NSUN3: variants seen among roughly 807,000 people sequenced by gnomAD.
The protein encoded by NSUN3 is NOP2/Sun RNA methyltransferase 3.
A neutral mutation model predicts 36.8 loss-of-function variants in NSUN3; 24 were observed. That is an observed-to-expected ratio of 0.65 (90% confidence interval 0.47 to 0.92). NSUN3 has a LOEUF of 0.92. Ranked by LOEUF, NSUN3 falls within the 40% of genes least tolerant of loss-of-function variation. NSUN3 has a pLI of 0.00. For missense variants in NSUN3, 381 were observed against 392.8 expected (o/e 0.97, Z 0.25); for synonymous variants, 146 against 145.2 (o/e 1.01, Z -0.04).
At chr3:94,081,123 T>C (rs1257161167) in intron 2 of NSUN3, among the ~76,000 whole-genome samples, 2 of 152,188 alleles carry the variant, frequency 1.3e-5, no homozygotes, top group Admixed American at 1.3e-4. Flanking sequence ...GCATGGTTCC[T>C]TAGGCTCAGT....
intron 2 of NSUN3, 24 bp downstream of exon 2, chr3:94,064,570 T>C (rs532083140): frequency 7.8e-5 from 106 of 1,367,352 alleles, no homozygotes; most frequent in Admixed American, 3.7e-4. Flanking sequence ...ATCTCGATGC[T>C]TTATGATGGA....
At chr3:94,108,065 T>C (rs1490538956) in intron 5 of NSUN3, among the ~76,000 whole-genome samples, 1 of 149,764 alleles carries the variant, frequency 6.7e-6, no homozygotes, top group East Asian at 2.0e-4. Context: ...TCAACTATTC[T>C]CTACTCAGAA....
chr3:94,073,449 T>A (rs2107238225), intron 2 of NSUN3, among the ~76,000 whole-genome samples: 1 of 152,326 alleles, frequency 6.6e-6, no homozygotes, highest in East Asian at 1.9e-4. Flanking sequence ...TTTCTCCACA[T>A]CCTCTCCAGC....
At chr3:94,092,180 GAA>G (rs2077317947) in intron 3 of NSUN3, among the ~76,000 whole-genome samples, 1 of 152,122 alleles carries the variant, frequency 6.6e-6, no homozygotes, top group South Asian at 2.1e-4. Flanking sequence ...ACCAATGAGA[GAA>G]AGAGACAAAA....
At chr3:94,092,466 C>A (rs2077319346) in intron 3 of NSUN3, among the ~76,000 whole-genome samples, 1 of 152,130 alleles carries the variant, frequency 6.6e-6, no homozygotes, top group Non-Finnish European at 1.5e-5. Flanking sequence ...CTTTTAGACA[C>A]CTATTTAAGT....
At chr3:94,076,821 C>A (rs1029809040) in intron 2 of NSUN3, 1 of 1,584,042 alleles carries the variant, frequency 6.3e-7, no homozygotes, top group South Asian at 1.1e-5. Flanking sequence ...ATCTTGATTT[C>A]TATTTCAATT....
chr3:94,110,281 G>A (rs12233392), intron 5 of NSUN3, among the ~76,000 whole-genome samples: 7 of 54,560 alleles, frequency 1.3e-4, no homozygotes, highest in Middle Eastern at 0.011. Context: ...ATAACTTTCA[G>A]TGATAGGAAG....
At chr3:94,090,058 T>C (rs2077308042) in intron 3 of NSUN3, among the ~76,000 whole-genome samples, 1 of 152,200 alleles carries the variant, frequency 6.6e-6, no homozygotes, top group African/African-American at 2.4e-5. Context: ...GAAGGCAAGA[T>C]TATTGTTTTT....
chr3:94,122,374 G>A (rs1222339788), intron 5 of NSUN3, among the ~76,000 whole-genome samples: 2 of 151,922 alleles, frequency 1.3e-5, no homozygotes, highest in Non-Finnish European at 2.9e-5. Context: ...AATGATTTTG[G>A]TTCCTAATTC....
chr3:94,064,637 G>T, intron 2 of NSUN3, 91 bp downstream of exon 2: 1 of 765,584 alleles, frequency 1.3e-6, no homozygotes. Flanking sequence ...AGGTTAAAAG[G>T]CAAAGGAATC....
rs1240181183 is a variant in NSUN3, at chr3:94,130,839, C to T, written c.*4349C>T. ...GGAGCCTTGTTTGACCTTTTTTAACCTTTCCTGGTCAGGTGCCAGGCCAGT... is the reference window on the plus strand; with the variant it reads ...GGAGCCTTGTTTGACCTTTTTTAACTTTTCCTGGTCAGGTGCCAGGCCAGT... On this transcript the variant is annotated 3_prime_UTR_variant, in exon 6 of 6. Coordinates refer to ENST00000314622, the MANE Select transcript of NSUN3 (RefSeq NM_022072.5). Among the ~76,000 whole-genome samples the T allele has an allele frequency of 6.6e-6, 1 of 152,130 alleles. No individual in the cohort carries two copies. Among genetic ancestry groups the T allele is most frequent in the Non-Finnish European group, 1.5e-5 (1 of 68,018 alleles).
chr3:94,094,044 G>A, intron 3 of NSUN3, 96 bp from the exon 4 acceptor site: 2 of 849,582 alleles, frequency 2.4e-6, no homozygotes, highest in Non-Finnish European at 1.8e-6. Flanking sequence ...GCATAATTAT[G>A]ATGAGTTAAT....
rs2077492052 is a variant in NSUN3 at position 94,127,439 on chromosome 3, G to C, written c.*949G>C. ...ACATATTAATGCACAAGAGGGAGAT[G>C]CCTAATGAGAGTGGACTGTGTGATT... On this transcript the variant is annotated 3_prime_UTR_variant, in exon 6 of 6. Transcript: ENST00000314622. 3 of 152,138 alleles carry C rather than the reference G, an allele frequency of 2.0e-5. No individual in the cohort carries two copies. Among genetic ancestry groups the C allele is most frequent in the African/African-American group, 7.2e-5 (3 of 41,420 alleles). The allele number at this position is 152,138 out of a possible 1,614,324, so 9.4% of individuals were successfully genotyped here. A position where few individuals can be genotyped will look rare whatever the true frequency, so the allele number is the denominator to read the frequency against.
intron 5 of NSUN3, among the ~76,000 whole-genome samples, chr3:94,108,129 TAAGAATAGTAC>T (rs2077398575): frequency 2.0e-5 from 3 of 151,982 alleles, no homozygotes; most frequent in African/African-American, 7.2e-5. Flanking sequence ...GAAAAAAATG[TAAGAATAGTAC>T]AAGGAGCTCC....
rs577056626 is a variant in NSUN3 at position 94,092,659 on chromosome 3, G to A, written c.467-1481G>A. On this transcript the variant is annotated intron_variant, in intron 3 of 5. Transcript: ENST00000314622. ...TGGCTCATGTCTGTAATCCCAGCAC[G>A]ATGGGAGACCGAGGTAGGTAGGTCA... Among the ~76,000 whole-genome samples, 14 of 152,062 alleles carry A rather than the reference G, an allele frequency of 9.2e-5. No individual in the cohort carries two copies. The East Asian group carries it at 1.9e-3, about 21-fold the overall frequency.
chr3:94,097,337 A>G (rs1424498629), intron 5 of NSUN3, among the ~76,000 whole-genome samples: 3 of 152,002 alleles, frequency 2.0e-5, no homozygotes, highest in Admixed American at 6.6e-5. Context: ...TTTTATCATG[A>G]TATGTATATT....
intron 5 of NSUN3, among the ~76,000 whole-genome samples, chr3:94,103,987 T>G (rs543237119): frequency 6.6e-6 from 1 of 152,316 alleles, no homozygotes; most frequent in South Asian, 2.1e-4. Flanking sequence ...GCCTCCTTGG[T>G]AAATAGACTA....
At chr3:94,111,942 G>A (rs913022488) in intron 5 of NSUN3, among the ~76,000 whole-genome samples, 7 of 149,918 alleles carry the variant, frequency 4.7e-5, no homozygotes, top group Non-Finnish European at 8.9e-5. Context: ...TCTTTCTATC[G>A]AGAGAGAGAG....
chr3:94,080,419 T>C (rs2077262571), intron 2 of NSUN3, among the ~76,000 whole-genome samples: 1 of 152,176 alleles, frequency 6.6e-6, no homozygotes, highest in Non-Finnish European at 1.5e-5. Context: ...GTCTGACCCT[T>C]AGCAGAGCTC....
Sources: allele counts gnomAD v4.1 joint callset (sites outside exome capture counted in the v4.1 genomes callset), GRCh38; gene constraint gnomAD v4.1.1; transcripts MANE v1.5; gene names NCBI Gene and HGNC (gene_info 2026-07-23, HGNC 2026-07-21).